NPAS3: variants seen among roughly 807,000 people sequenced by gnomAD.
NPAS3 encodes neuronal PAS domain-containing protein 3.
NPAS3 carries 14 observed loss-of-function variants against 73.1 expected under a neutral mutation model. That is an observed-to-expected ratio of 0.19 (90% CI 0.13 to 0.30). The LOEUF (loss-of-function observed/expected upper bound fraction) is 0.30. NPAS3 is among the 10% of genes least tolerant of loss of function. The pLI, the probability that NPAS3 is intolerant of heterozygous loss-of-function variation, is 1.00. For missense variants in NPAS3, 1,096 were observed against 1,250.0 expected (o/e 0.88, Z 1.86); for synonymous variants, 620 against 541.5 (o/e 1.14, Z -2.01).
At chr14:33,409,287 G>A (rs1432704027) in intron 4 of NPAS3, among the ~76,000 whole-genome samples, 1 of 152,092 alleles carries the variant, frequency 6.6e-6, no homozygotes, top group East Asian at 1.9e-4. Context: ...AAATCTTAGT[G>A]CCTATAATGG....
At chr14:33,085,049 T>C (rs1333664098) in intron 2 of NPAS3, among the ~76,000 whole-genome samples, 6 of 152,218 alleles carry the variant, frequency 3.9e-5, no homozygotes, top group Non-Finnish European at 7.3e-5. Flanking sequence ...TCTACAACTT[T>C]CTTAGCATTA....
At chr14:33,058,429 G>A (rs2040969094) in intron 2 of NPAS3, among the ~76,000 whole-genome samples, 1 of 152,178 alleles carries the variant, frequency 6.6e-6, no homozygotes, top group Non-Finnish European at 1.5e-5. Context: ...ATCCATGAAA[G>A]CAGGTGCATC....
chr14:33,266,967 T>C (rs532751735), intron 3 of NPAS3, among the ~76,000 whole-genome samples: 1 of 152,304 alleles, frequency 6.6e-6, no homozygotes, highest in African/African-American at 2.4e-5. Flanking sequence ...GAGACACATT[T>C]GGAATATCTG....
intron 4 of NPAS3, among the ~76,000 whole-genome samples, chr14:33,446,262 G>A (rs1431950425): frequency 6.2e-5 from 9 of 144,046 alleles, no homozygotes; most frequent in East Asian, 2.2e-4. Flanking sequence ...TGCAAGCTCC[G>A]CTTCCCGGGT....
At chr14:33,692,691 G>A (rs1286928718) in intron 6 of NPAS3, among the ~76,000 whole-genome samples, 1 of 152,082 alleles carries the variant, frequency 6.6e-6, no homozygotes, top group Non-Finnish European at 1.5e-5. Context: ...CAGGATTGCA[G>A]AGCCTCTAGG....
chr14:33,225,133 G>T (rs992749647), intron 3 of NPAS3, among the ~76,000 whole-genome samples: 1 of 152,134 alleles, frequency 6.6e-6, no homozygotes, highest in African/African-American at 2.4e-5. Context: ...ATTGTATTAG[G>T]AAACGTGATT....
chr14:33,459,645 T>A (rs1014184867), intron 4 of NPAS3, among the ~76,000 whole-genome samples: 4 of 152,216 alleles, frequency 2.6e-5, no homozygotes, highest in Admixed American at 1.3e-4. Flanking sequence ...CAAAGGAGTG[T>A]TGGTAAAAAT....
intron 5 of NPAS3, among the ~76,000 whole-genome samples, chr14:33,618,009 C>A (rs1374404578): frequency 6.6e-6 from 1 of 152,114 alleles, no homozygotes; most frequent in Non-Finnish European, 1.5e-5. Flanking sequence ...TGAGACACAG[C>A]GGGGACTCAA....
chr14:33,737,822 A>G (rs2061560935), intron 7 of NPAS3, among the ~76,000 whole-genome samples: 1 of 152,156 alleles, frequency 6.6e-6, no homozygotes, highest in African/African-American at 2.4e-5. Flanking sequence ...CCACCACACA[A>G]TAAACACAAA....
At chr14:32,960,310 A>G (rs1383722193) in intron 1 of NPAS3, among the ~76,000 whole-genome samples, 2 of 152,198 alleles carry the variant, frequency 1.3e-5, no homozygotes, top group East Asian at 1.9e-4. Context: ...GTAGCCATGG[A>G]GAAGCCATGT....
Position 33,513,641 on chromosome 14 carries a change from T to G in NPAS3, c.469-46480T>G, listed in dbSNP as rs370856229. Reference sequence around the variant, plus strand: ...ATTTAAAGCCAGGTCTTTCCATCATTCCAATCTATTAAACTCTGCCACCTT... The same window carrying G: ...ATTTAAAGCCAGGTCTTTCCATCATGCCAATCTATTAAACTCTGCCACCTT... On this transcript the variant is annotated intron_variant, in intron 4 of 11. Coordinates refer to ENST00000356141, the Ensembl canonical transcript of NPAS3. 2.6e-4 allele frequency among the ~76,000 whole-genome samples: 39 copies of G among 152,168 alleles called. 1 individual carries two copies. Among genetic ancestry groups the G allele is most frequent in the African/African-American group, 9.4e-4 (39 of 41,544 alleles).
chr14:33,128,214 G>A (rs569454151), intron 2 of NPAS3, among the ~76,000 whole-genome samples: 6 of 152,198 alleles, frequency 3.9e-5, no homozygotes, highest in Admixed American at 2.6e-4. Flanking sequence ...ATGGAAGAAC[G>A]AATAAAAGCA....
intron 6 of NPAS3, among the ~76,000 whole-genome samples, chr14:33,689,055 G>T (rs2060165185): frequency 6.6e-6 from 1 of 152,194 alleles, no homozygotes; most frequent in African/African-American, 2.4e-5. Flanking sequence ...CGACATTTGA[G>T]GACATACTCC....
chr14:33,482,879 G>GT (rs1329414877), intron 4 of NPAS3, among the ~76,000 whole-genome samples: 13 of 152,256 alleles, frequency 8.5e-5, no homozygotes, highest in African/African-American at 3.1e-4. Context: ...CTAAAGAATT[G>GT]TGTTGGTAAT....
chr14:33,499,927 C>T (rs1190335379), intron 4 of NPAS3, among the ~76,000 whole-genome samples: 1 of 151,956 alleles, frequency 6.6e-6, no homozygotes, highest in Non-Finnish European at 1.5e-5. Flanking sequence ...CTCTGCGCAA[C>T]TCCAGTCTTT....
chr14:33,468,982 G>A (rs751943514), intron 4 of NPAS3, among the ~76,000 whole-genome samples: 2 of 152,160 alleles, frequency 1.3e-5, no homozygotes, highest in Admixed American at 6.5e-5. Flanking sequence ...TGATAATCAA[G>A]CAACAAAACT....
intron 4 of NPAS3, among the ~76,000 whole-genome samples, chr14:33,392,826 C>T (rs1319010268): frequency 6.6e-6 from 1 of 152,068 alleles, no homozygotes; most frequent in Non-Finnish European, 1.5e-5. Flanking sequence ...CCCTCTTTTC[C>T]TCCAGTGTTT....
intron 4 of NPAS3, among the ~76,000 whole-genome samples, chr14:33,477,272 G>C (rs1197137696): frequency 6.6e-6 from 1 of 152,138 alleles, no homozygotes; most frequent in Non-Finnish European, 1.5e-5. Flanking sequence ...TTTCCAAACT[G>C]TGGACACATT....
intron 2 of NPAS3, among the ~76,000 whole-genome samples, chr14:33,134,488 T>C (rs185661032): frequency 1.3e-5 from 2 of 152,318 alleles, no homozygotes; most frequent in Admixed American, 6.5e-5. Flanking sequence ...TTTTCACGGA[T>C]ACTGAAAATT....
Sources: allele counts gnomAD v4.1 joint callset (sites outside exome capture counted in the v4.1 genomes callset), GRCh38; gene constraint gnomAD v4.1.1; transcripts MANE v1.5; gene names NCBI Gene and HGNC (gene_info 2026-07-23, HGNC 2026-07-21).